The following ANKH variants were observed in gnomAD, a reference collection of about 807,000 sequenced individuals.
ANKH encodes ANKH inorganic pyrophosphate transport regulator, also known as mineralization regulator ANKH.
Under a neutral mutation model 49.0 loss-of-function variants are expected in ANKH, and 15 were observed. That is an observed-to-expected ratio of 0.31 (90% CI 0.20 to 0.47). The LOEUF (loss-of-function observed/expected upper bound fraction) is 0.47, where lower values mean the gene tolerates loss of function less well. Ranked by LOEUF, ANKH falls within the 20% of genes least tolerant of loss-of-function variation. The probability of loss-of-function intolerance (pLI) is 1.00; values close to 1 mark genes in which losing one functional copy is unlikely to be tolerated. For synonymous variants in ANKH, 273 were observed against 260.0 expected (o/e 1.05, Z -0.48); for missense variants, 429 against 652.0 (o/e 0.66, Z 3.72).
At chr5:14,748,736 G>T (rs1348310127) in intron 6 of ANKH, among the ~76,000 whole-genome samples, 1 of 152,226 alleles carries the variant, frequency 6.6e-6, no homozygotes, top group African/African-American at 2.4e-5. Context: ...CGCCCCTGCA[G>T]CCACTGGGTG....
chr5:14,819,910 C>CAT (rs1359282626), intron 1 of ANKH, among the ~76,000 whole-genome samples: 1 of 109,968 alleles, frequency 9.1e-6, no homozygotes, highest in Non-Finnish European at 1.9e-5. Flanking sequence ...TACACACACA[C>CAT]ACACACACAC....
At chr5:14,729,031 G>A (rs1737910515) in intron 8 of ANKH, among the ~76,000 whole-genome samples, 2 of 152,076 alleles carry the variant, frequency 1.3e-5, no homozygotes, top group African/African-American at 4.8e-5. Flanking sequence ...TCCAAAACTG[G>A]CCCTGAAATG....
At chr5:14,719,723 A>G (rs1029163901) in intron 8 of ANKH, among the ~76,000 whole-genome samples, 1 of 152,176 alleles carries the variant, frequency 6.6e-6, no homozygotes, top group Admixed American at 6.5e-5. Context: ...ACAATCCATC[A>G]AGAGTTGGGG....
chr5:14,712,089 A>G (rs1384734280), intron 11 of ANKH, among the ~76,000 whole-genome samples: 1 of 152,004 alleles, frequency 6.6e-6, no homozygotes, highest in African/African-American at 2.4e-5. Flanking sequence ...TTCTTTCATT[A>G]TATTTGCCAG....
intron 1 of ANKH, among the ~76,000 whole-genome samples, chr5:14,853,518 A>G (rs1457811259): frequency 6.6e-6 from 1 of 152,168 alleles, no homozygotes; most frequent in Non-Finnish European, 1.5e-5. Flanking sequence ...TTGAGGTCGC[A>G]GTGAGCTGAG....
chr5:14,745,888 C>T lies in ANKH; in HGVS notation c.897G>A (p.Val299=), dbSNP rs748349350. Residue 299 remains valine (V), a synonymous_variant, in exon 7 of 12, where the codon GTG becomes GTA. Coordinates refer to ENST00000284268, the MANE Select transcript of ANKH (RefSeq NM_054027.6). This position sits in a 1 kb window ranked among gnomAD's most constrained non-coding sequence, Gnocchi z 4.7. ...TTCTCACCTTGTCGAAAGCAGGATACACAGCACGGATTTCCGTCAACCAGC... is the reference window on the plus strand; with the variant it reads ...TTCTCACCTTGTCGAAAGCAGGATATACAGCACGGATTTCCGTCAACCAGC... The part of the protein sequence containing the change: ...PYGWLTEIRA[V]YPAFDKNNPS... 1.9e-6 allele frequency: 3 copies of T among 1,614,198 alleles called. No individual in the cohort carries two copies. Among genetic ancestry groups the T allele is most frequent in the Non-Finnish European group, 2.5e-6 (3 of 1,180,040 alleles).
chr5:14,781,186 T>C (rs1739794410), intron 1 of ANKH, among the ~76,000 whole-genome samples: 2 of 152,212 alleles, frequency 1.3e-5, no homozygotes, highest in Non-Finnish European at 2.9e-5. Context: ...ATGCTTTATT[T>C]TCCCAGGGAT....
chr5:14,822,009 C>G (rs989161478), intron 1 of ANKH, among the ~76,000 whole-genome samples: 2 of 152,120 alleles, frequency 1.3e-5, no homozygotes, highest in Non-Finnish European at 2.9e-5. Context: ...TTTTCAAGAT[C>G]TGACATTTAG....
At chr5:14,864,344 C>T (rs1321141894) in intron 1 of ANKH, among the ~76,000 whole-genome samples, 1 of 152,134 alleles carries the variant, frequency 6.6e-6, no homozygotes, top group Non-Finnish European at 1.5e-5. Flanking sequence ...GTCATCAAAC[C>T]ACCTCAATAA....
At chr5:14,842,464 A>G (rs966818063) in intron 1 of ANKH, among the ~76,000 whole-genome samples, 2 of 152,116 alleles carry the variant, frequency 1.3e-5, no homozygotes, top group Non-Finnish European at 2.9e-5. Flanking sequence ...AGTCCTGGTT[A>G]CTCAGTTTTG....
At chr5:14,771,511 C>T (rs550879393) in intron 1 of ANKH, among the ~76,000 whole-genome samples, 4 of 152,318 alleles carry the variant, frequency 2.6e-5, no homozygotes, top group South Asian at 2.1e-4. Flanking sequence ...GGGTTTAGGT[C>T]TCATTCACTG....
intron 1 of ANKH, among the ~76,000 whole-genome samples, chr5:14,866,958 AC>A (rs1343813642): frequency 3.3e-4 from 50 of 152,086 alleles, no homozygotes; most frequent in Non-Finnish European, 5.9e-5. Flanking sequence ...GGAGTTGAAG[AC>A]CAGCCTGGGC....
At position 14,713,566 on chromosome 5, in the gene ANKH, G is replaced by C. The variant is rs1308181442; in HGVS notation, c.1243C>G (p.Leu415Val). The C allele has an allele frequency of 2.5e-6, 4 of 1,614,136 alleles. No homozygotes were observed. Among genetic ancestry groups the C allele is most frequent in the African/African-American group, 1.3e-5 (1 of 74,956 alleles). ...VLRIIVLIAS[L>V]VVLPYLGVHG... ...TACCCCAGGTAGGGTAGGACCACGA[G>C]GCTGGCGATGAGGACGATGATCCGC... Residue 415 changes from leucine to valine, a missense_variant, in exon 10 of 12, where the codon CTC becomes GTC. Around this residue, in one of 2 missense-constraint regions of ANKH, gnomAD observed 378 missense variants for 615.3 expected, o/e 0.61. Coordinates refer to ENST00000284268, the MANE Select transcript of ANKH (RefSeq NM_054027.6). This position sits in a 1 kb window ranked among gnomAD's most constrained non-coding sequence, Gnocchi z 4.4.
intron 8 of ANKH, among the ~76,000 whole-genome samples, chr5:14,722,386 C>G (rs147215158): frequency 2.9e-4 from 44 of 152,236 alleles, no homozygotes; most frequent in African/African-American, 1.0e-3. Flanking sequence ...CACCCAGTGC[C>G]CAGATCTTGG....
At chr5:14,788,967 G>A (rs1377287894) in intron 1 of ANKH, among the ~76,000 whole-genome samples, 2 of 152,182 alleles carry the variant, frequency 1.3e-5, no homozygotes, top group African/African-American at 4.8e-5. Context: ...GGTGGCTCAC[G>A]CCTGTAATCC....
chr5:14,829,420 C>T (rs896145302), intron 1 of ANKH, among the ~76,000 whole-genome samples: 1 of 152,118 alleles, frequency 6.6e-6, no homozygotes, highest in African/African-American at 2.4e-5. Context: ...GCTGAATGTG[C>T]TACACAGTTA....
chr5:14,856,567 G>C (rs979918679), intron 1 of ANKH, among the ~76,000 whole-genome samples: 1 of 151,914 alleles, frequency 6.6e-6, no homozygotes, highest in African/African-American at 2.4e-5. Context: ...TGGGAGAGCA[G>C]AGGACAGGCC....
chr5:14,782,613 C>T (rs908292832), intron 1 of ANKH, among the ~76,000 whole-genome samples: 1 of 152,048 alleles, frequency 6.6e-6, no homozygotes, highest in Non-Finnish European at 1.5e-5. Context: ...ACAAAAAATT[C>T]CAAAGATCCT....
At chr5:14,746,030 T>C (rs1291056222) in intron 6 of ANKH, 68 bp from the exon 7 acceptor site, 2 of 1,322,102 alleles carry the variant, frequency 1.5e-6, no homozygotes, top group Non-Finnish European at 2.2e-6. Context: ...CTACAGTAGG[T>C]GACGAAGCAC....
Sources: gnomAD v4.1 joint callset for allele counts (sites outside exome capture counted in the v4.1 genomes callset) on GRCh38, gnomAD v4.1.1 for gene constraint, gnomAD v4.1.1 regional missense constraint, Gnocchi (gnomAD v3.1) non-coding constraint, MANE v1.5 for transcripts, NCBI Gene and HGNC (gene_info 2026-07-23, HGNC 2026-07-21) for gene names.